CFAP299: variants seen among roughly 807,000 people sequenced by gnomAD.
CFAP299 encodes cilia- and flagella-associated protein 299.
In CFAP299, 21 loss-of-function variants were observed where a neutral mutation model predicts 27.0. The ratio of observed to expected loss-of-function variants is 0.78; its 90% CI spans 0.55 to 1.12. The LOEUF is 1.12. CFAP299 is among the 50% of genes most tolerant of loss of function. The probability of loss-of-function intolerance (pLI) is 0.00; values close to 1 mark genes in which losing one functional copy is unlikely to be tolerated. For synonymous variants in CFAP299, 104 were observed against 98.1 expected, an observed-to-expected ratio of 1.06 and a Z score of -0.36; for missense variants, 310 against 276.6, an observed-to-expected ratio of 1.12 and a Z score of -0.86.
intron 2 of CFAP299, among the ~76,000 whole-genome samples, chr4:80,505,606 C>G (rs989193256): frequency 1.2e-4 from 18 of 152,028 alleles, no homozygotes; most frequent in African/African-American, 4.1e-4. Flanking sequence ...GAATACTAAG[C>G]AATACTGGAA....
rs941206288 is a variant in CFAP299, at chr4:80,870,121, G to A, written c.462G>A (p.Arg154=). 137 of 1,609,330 alleles carry A rather than the reference G, an allele frequency of 8.5e-5. 1 individual carries two copies. The highest frequency in any genetic ancestry group is 1.0e-4 in the Non-Finnish European group (123 of 1,178,508). ...YFTGKKRLLP[R]PTDISFYNWD... ...CTGGAAAAAAAAGACTTCTTCCAAGGCCTACAGATATAAGGTAAATTACAT... is the reference window on the plus strand; with the variant it reads ...CTGGAAAAAAAAGACTTCTTCCAAGACCTACAGATATAAGGTAAATTACAT... Residue 154 remains arginine (R), a synonymous_variant, in exon 4 of 6, where the codon AGG becomes AGA. Transcript: ENST00000358105.
chr4:80,746,757 A>G (rs1724628998), intron 3 of CFAP299, among the ~76,000 whole-genome samples: 1 of 152,022 alleles, frequency 6.6e-6, no homozygotes, highest in African/African-American at 2.4e-5. Context: ...ATATATTTCT[A>G]TTTAAAAGGA....
chr4:80,455,098 A>G lies in CFAP299; in HGVS notation c.242+92214A>G, dbSNP rs556522405. Among the ~76,000 whole-genome samples the G allele has an allele frequency of 2.6e-5, 4 of 152,310 alleles. No homozygotes were observed. The South Asian group carries it at 8.3e-4, about 32-fold the overall frequency. On this transcript the variant is annotated intron_variant, in intron 2 of 5. Coordinates refer to ENST00000358105, the MANE Select transcript of CFAP299 (RefSeq NM_152770.3). ...CCTAGGAGCAGATAGCAAGGTTTCA[A>G]ATCTTGAGGCCTCTAGCTGTGCAAC... is the stretch of plus-strand genomic sequence containing the variant.
At chr4:80,729,725 G>A (rs1015063237) in intron 3 of CFAP299, among the ~76,000 whole-genome samples, 40 of 148,398 alleles carry the variant, frequency 2.7e-4, no homozygotes, top group Middle Eastern at 3.6e-3. Flanking sequence ...TCAGCCTCCC[G>A]AGTAGCTGGG....
intron 4 of CFAP299, among the ~76,000 whole-genome samples, chr4:80,916,742 G>A (rs1735785310): frequency 6.6e-6 from 1 of 152,060 alleles, no homozygotes; most frequent in African/African-American, 2.4e-5. Context: ...ATGTAAGTAA[G>A]AGAATATGAA....
At chr4:80,799,469 A>G (rs1375426062) in intron 3 of CFAP299, among the ~76,000 whole-genome samples, 2 of 83,938 alleles carry the variant, frequency 2.4e-5, no homozygotes, top group East Asian at 3.7e-4. Context: ...TATATTTTAT[A>G]AATATATATT....
intron 3 of CFAP299, among the ~76,000 whole-genome samples, chr4:80,802,863 A>G (rs1728681361): frequency 6.6e-6 from 1 of 152,188 alleles, no homozygotes; most frequent in Middle Eastern, 3.4e-3. Context: ...TATAAATTTT[A>G]GTAACTCCTT....
At chr4:80,321,900 G>A in the CFAP299 span, among the ~76,000 whole-genome samples, 3 of 152,102 alleles carry the variant, frequency 2.0e-5, no homozygotes, top group Non-Finnish European at 4.4e-5. Flanking sequence ...AAGAGGAGAA[G>A]GAGAAAAAGC....
intron 2 of CFAP299, among the ~76,000 whole-genome samples, chr4:80,369,657 A>G (rs1724034468): frequency 6.6e-6 from 1 of 152,192 alleles, no homozygotes; most frequent in African/African-American, 2.4e-5. Context: ...CTACAAGATC[A>G]TGTCTCCTCT....
chr4:80,895,301 A>G (rs1734561649), intron 4 of CFAP299, among the ~76,000 whole-genome samples: 1 of 151,904 alleles, frequency 6.6e-6, no homozygotes, highest in Non-Finnish European at 1.5e-5. Flanking sequence ...TCTTAAATAT[A>G]TGCAATTTTT....
chr4:80,689,015 A>C (rs1029461632), intron 3 of CFAP299, among the ~76,000 whole-genome samples: 5 of 152,260 alleles, frequency 3.3e-5, no homozygotes, highest in Non-Finnish European at 7.3e-5. Flanking sequence ...AGAAACGAGC[A>C]AAGCCTCCAA....
rs528605904 is a variant in CFAP299 at position 80,935,046 on chromosome 4, C to T, written c.477-9764C>T. ...TCTTAAAAGTGCTTTTTCTGAATCTCGTAAGTTTTGGTATAGCATGTTTCC... is the reference window on the plus strand; with the variant it reads ...TCTTAAAAGTGCTTTTTCTGAATCTTGTAAGTTTTGGTATAGCATGTTTCC... On this transcript the variant is annotated intron_variant, in intron 4 of 5. Transcript: ENST00000358105. Among the ~76,000 whole-genome samples the T allele has an allele frequency of 4.6e-5, 7 of 151,862 alleles. No homozygotes were observed. The South Asian group carries it at 1.2e-3, about 27-fold the overall frequency.
intron 3 of CFAP299, among the ~76,000 whole-genome samples, chr4:80,855,553 C>T (rs941537025): frequency 2.6e-5 from 4 of 152,126 alleles, no homozygotes; most frequent in African/African-American, 9.7e-5. Flanking sequence ...CTATCCCTCC[C>T]CTCTCCCCCC....
intron 2 of CFAP299, among the ~76,000 whole-genome samples, chr4:80,419,552 T>A (rs1727184996): frequency 6.6e-6 from 1 of 152,194 alleles, no homozygotes; most frequent in Non-Finnish European, 1.5e-5. Context: ...TCAGGTTTTT[T>A]CTACCTATTG....
intron 3 of CFAP299, among the ~76,000 whole-genome samples, chr4:80,681,308 C>A (rs1719824243): frequency 6.6e-6 from 1 of 151,962 alleles, no homozygotes; most frequent in Non-Finnish European, 1.5e-5. Flanking sequence ...AATGTTCCAT[C>A]CATTAGGAGA....
At chr4:80,421,217 C>T (rs1727271891) in intron 2 of CFAP299, among the ~76,000 whole-genome samples, 2 of 152,142 alleles carry the variant, frequency 1.3e-5, no homozygotes, top group Admixed American at 1.3e-4. Context: ...TCTAATATGT[C>T]ACATTCTGTT....
Position 80,937,728 on chromosome 4 carries a change from T to C in CFAP299, c.477-7082T>C, listed in dbSNP as rs76980930. Among the ~76,000 whole-genome samples the C allele has an allele frequency of 8.0e-3, 1,221 of 152,320 alleles. 39 individuals carry two copies. In the East Asian group the frequency reaches 0.092, roughly 12 times the overall value. ...CTGGAAATTTTAATTCATTTAAATT[T>C]GCAGTATTTATTGATAGGTGAGGAC... On this transcript the variant is annotated intron_variant, in intron 4 of 5. Coordinates refer to ENST00000358105, the MANE Select transcript of CFAP299 (RefSeq NM_152770.3).
At chr4:80,428,658 C>T (rs1727644209) in intron 2 of CFAP299, among the ~76,000 whole-genome samples, 2 of 151,054 alleles carry the variant, frequency 1.3e-5, no homozygotes, top group African/African-American at 2.4e-5. Context: ...TCACGAGTAG[C>T]TGGGATTACA....
At chr4:80,866,414 C>G (rs535069399) in intron 3 of CFAP299, among the ~76,000 whole-genome samples, 20 of 152,114 alleles carry the variant, frequency 1.3e-4, no homozygotes, top group Admixed American at 3.3e-4. Flanking sequence ...CAGTTCCAGG[C>G]AGGCAGGGAG....
Sources: allele counts gnomAD v4.1 joint callset (sites outside exome capture counted in the v4.1 genomes callset), GRCh38; gene constraint gnomAD v4.1.1; transcripts MANE v1.5; gene names NCBI Gene and HGNC (gene_info 2026-07-23, HGNC 2026-07-21).